SLCO4A1: variants seen among roughly 807,000 people sequenced by gnomAD.
The protein encoded by SLCO4A1 is solute carrier organic anion transporter family member 4A1.
Under a neutral mutation model 64.6 loss-of-function variants are expected in SLCO4A1, and 51 were observed. The ratio of observed to expected loss-of-function variants is 0.79; its 90% CI spans 0.63 to 1.00. The LOEUF is 1.00. Ranked by LOEUF, SLCO4A1 falls within the 50% of genes least tolerant of loss-of-function variation. The pLI, the probability that SLCO4A1 is intolerant of heterozygous loss-of-function variation, is 0.00. For missense variants in SLCO4A1, 919 were observed against 980.5 expected, an observed-to-expected ratio of 0.94 and a Z score of 0.84; for synonymous variants, 471 against 444.9, an observed-to-expected ratio of 1.06 and a Z score of -0.74.
chr20:62,647,863 G>C (rs912050340), intron 1 of SLCO4A1, among the ~76,000 whole-genome samples: 1 of 152,252 alleles, frequency 6.6e-6, no homozygotes, highest in Non-Finnish European at 1.5e-5. Flanking sequence ...CTTGAGAGGA[G>C]GGGGAGGAAG....
At chr20:62,646,863 G>A (rs1330995721) in intron 1 of SLCO4A1, among the ~76,000 whole-genome samples, 4 of 152,224 alleles carry the variant, frequency 2.6e-5, no homozygotes, top group South Asian at 4.1e-4. Context: ...ATGATGAGTC[G>A]GAAGGAAGAG....
downstream of SLCO4A1, among the ~76,000 whole-genome samples, chr20:62,675,605 G>T (rs911308495): frequency 1.3e-5 from 2 of 152,320 alleles, no homozygotes; most frequent in South Asian, 2.1e-4. Flanking sequence ...CAGCCCCCCA[G>T]GCCTGATGAC....
downstream of SLCO4A1, among the ~76,000 whole-genome samples, chr20:62,675,182 G>A (rs1384522313): frequency 1.3e-5 from 2 of 152,170 alleles, no homozygotes; most frequent in East Asian, 3.9e-4. Flanking sequence ...TGGAGGGCAG[G>A]TATTCCAGGG....
At chr20:62,683,822 A>C (rs949902810) in intron 2 of SLCO4A1, among the ~76,000 whole-genome samples, 6 of 152,198 alleles carry the variant, frequency 3.9e-5, no homozygotes, top group African/African-American at 1.4e-4. Flanking sequence ...TAAGTGATGC[A>C]ACGCTGCACC....
chr20:62,654,005 G>A (rs1983145484), intron 1 of SLCO4A1, among the ~76,000 whole-genome samples: 1 of 152,078 alleles, frequency 6.6e-6, no homozygotes, highest in Admixed American at 6.5e-5. Flanking sequence ...AAACCTGCAT[G>A]TTGTGCACAT....
At chr20:62,680,132 G>A (rs572881669) in intron 2 of SLCO4A1, among the ~76,000 whole-genome samples, 9 of 152,328 alleles carry the variant, frequency 5.9e-5, no homozygotes, top group South Asian at 2.1e-4. Context: ...CGAGTTCAAC[G>A]TTCGTAGAAA....
At chr20:62,681,164 G>T (rs978968040) in intron 2 of SLCO4A1, among the ~76,000 whole-genome samples, 2 of 152,206 alleles carry the variant, frequency 1.3e-5, no homozygotes, top group African/African-American at 4.8e-5. Context: ...GGGATTACAG[G>T]CATGAGCCAC....
At chr20:62,689,959 G>C (rs1232260515), downstream of SLCO4A1, among the ~76,000 whole-genome samples, 1 of 152,242 alleles carries the variant, frequency 6.6e-6, no homozygotes. Flanking sequence ...CCCAGGGGCT[G>C]AGTCGACGCC....
At chr20:62,646,354 G>A (rs1981326848) in intron 1 of SLCO4A1, among the ~76,000 whole-genome samples, 1 of 152,240 alleles carries the variant, frequency 6.6e-6, no homozygotes, top group Non-Finnish European at 1.5e-5. Context: ...TGTGCCCAAG[G>A]ACTAGCCTGA....
chr20:62,668,677 C>A, intron 10 of SLCO4A1, 136 bp downstream of exon 10: 1 of 914,178 alleles, frequency 1.1e-6, no homozygotes, highest in South Asian at 1.4e-5. Flanking sequence ...GGTCCATTCC[C>A]TAACTGTCCA....
chr20:62,656,627 C>A lies in SLCO4A1; in HGVS notation c.173C>A (p.Pro58His), dbSNP rs758107647. 2 of 1,601,202 alleles carry A rather than the reference C, an allele frequency of 1.2e-6. No homozygotes were observed. The highest frequency in any genetic ancestry group is 4.5e-5 in the East Asian group (2 of 44,200). ...AHSPLDTSKQ[P>H]LCQLWAEKHG... ...AGCCCCCTGGACACCAGCAAGCAGC[C>A]CCTCTGCCAGCTCTGGGCCGAGAAG... The change falls in exon 2 of 12, where the codon CCC becomes CAC. Residue 58 changes from proline (P) to histidine (H), a missense_variant. By Grantham distance (77) the Pro-to-His change is moderately conservative (BLOSUM62 -2). Transcript: ENST00000217159.
rs1021085150 is a variant in SLCO4A1, at chr20:62,668,855, G to A, written c.1877-75G>A. 4 of 1,456,682 alleles carry A rather than the reference G, an allele frequency of 2.7e-6. No individual in the cohort carries two copies. The African/African-American group carries it at 4.2e-5, about 15-fold the overall frequency. 90.2% of individuals were successfully genotyped at this position (1,456,682 alleles called of 1,614,324 possible). ...ACCTTCCCAGAGCCCATCATTCCAGGCCTCTTGGCTGCCTGCCCCCTGCCT... is the reference window on the plus strand; with the variant it reads ...ACCTTCCCAGAGCCCATCATTCCAGACCTCTTGGCTGCCTGCCCCCTGCCT... On this transcript the variant is annotated intron_variant, in intron 10 of 11. Transcript: ENST00000217159.
chr20:62,655,172 G>T (rs576740488), intron 1 of SLCO4A1, among the ~76,000 whole-genome samples: 1 of 152,302 alleles, frequency 6.6e-6, no homozygotes, highest in East Asian at 1.9e-4. Context: ...GCACCTTGAG[G>T]TCTGCGAGAA....
rs549456149 is a variant in SLCO4A1 at position 62,667,680 on chromosome 20, G to T, written c.1473-65G>T. The T allele has an allele frequency of 2.6e-6, 4 of 1,540,154 alleles. No individual in the cohort carries two copies. In the East Asian group the frequency reaches 6.8e-5, roughly 26 times the overall value. ...GGGGACGAGCCCCATGGCTGACCCT[G>T]TGCCTGCTGGGCGCCAGCATGGCTC... On this transcript the variant is annotated intron_variant, in intron 7 of 11. Transcript: ENST00000217159.
rs1359242699 is a variant in SLCO4A1 at position 62,667,735 on chromosome 20, C to G, written c.1473-10C>G. 4 of 1,603,798 alleles carry G rather than the reference C, an allele frequency of 2.5e-6. No homozygotes were observed. Among genetic ancestry groups the G allele is most frequent in the Non-Finnish European group, 3.4e-6 (4 of 1,174,770 alleles). On this transcript the variant is annotated splice_polypyrimidine_tract_variant and intron_variant, in intron 7 of 11. Coordinates refer to ENST00000217159, the MANE Select transcript of SLCO4A1 (RefSeq NM_016354.4). ...CTGGACCCTACCACTCGCTTGTCCC[C>G]CCTCTGCAGCCTCCTGCCCGAAGGC...
chr20:62,686,157 C>A (rs1284163401), downstream of SLCO4A1, among the ~76,000 whole-genome samples: 1 of 152,170 alleles, frequency 6.6e-6, no homozygotes, highest in African/African-American at 2.4e-5. Context: ...GGAGACGGCT[C>A]AGAATAATGA....
chr20:62,667,660 C>T lies in SLCO4A1; in HGVS notation c.1473-85C>T, dbSNP rs1315889005. The T allele has an allele frequency of 3.1e-5, 46 of 1,469,752 alleles. No homozygotes were observed. The East Asian group carries it at 5.3e-4, about 17-fold the overall frequency. 91.0% of individuals were successfully genotyped at this position (1,469,752 alleles called of 1,614,324 possible). ...ACCCGAAATGCAGGCTGCATGGGGA[C>T]GAGCCCCATGGCTGACCCTGTGCCT... On this transcript the variant is annotated intron_variant, in intron 7 of 11. Coordinates refer to ENST00000217159, the MANE Select transcript of SLCO4A1 (RefSeq NM_016354.4).
chr20:62,648,569 C>G (rs899959828), intron 1 of SLCO4A1, among the ~76,000 whole-genome samples: 1 of 152,228 alleles, frequency 6.6e-6, no homozygotes, highest in African/African-American at 2.4e-5. Flanking sequence ...GAGCAGCCGT[C>G]AGGAGTACAA....
At chr20:62,660,288 T>A in intron 3 of SLCO4A1, 124 bp from the exon 4 acceptor site, 1 of 1,138,296 alleles carries the variant, frequency 8.8e-7, no homozygotes, top group Non-Finnish European at 1.2e-6. Flanking sequence ...GGGCCTGTGT[T>A]GACCAGCGTG....
Sources: allele counts gnomAD v4.1 joint callset (sites outside exome capture counted in the v4.1 genomes callset), GRCh38; gene constraint gnomAD v4.1.1; transcripts MANE v1.5; gene names NCBI Gene and HGNC (gene_info 2026-07-23, HGNC 2026-07-21).